POLG2: variants seen among roughly 807,000 people sequenced by gnomAD.
POLG2 encodes the protein DNA polymerase gamma 2, accessory subunit, also known as DNA polymerase subunit gamma-2.
A neutral mutation model predicts 56.5 loss-of-function variants in POLG2; 50 were observed. That is an observed-to-expected ratio of 0.88 (90% CI 0.71 to 1.12). The LOEUF (loss-of-function observed/expected upper bound fraction) is 1.12, where lower values mean the gene tolerates loss of function less well. Ranked by LOEUF, POLG2 falls within the 50% of genes most tolerant of loss-of-function variation. The probability of loss-of-function intolerance (pLI) is 0.00; values close to 1 mark genes in which losing one functional copy is unlikely to be tolerated. For synonymous variants in POLG2, 226 were observed against 222.6 expected (o/e 1.02, Z -0.14); for missense variants, 584 against 583.3 (o/e 1.00, Z -0.01).
At chr17:64,494,449 T>C (rs1257606899) in intron 1 of POLG2, among the ~76,000 whole-genome samples, 2 of 152,192 alleles carry the variant, frequency 1.3e-5, no homozygotes, top group Non-Finnish European at 1.5e-5. Context: ...TTAGAATCCA[T>C]TGATGACTGT....
At position 64,492,697 on chromosome 17, in the gene POLG2, C is replaced by A. The variant is rs1253404236; in HGVS notation, c.765G>T (p.Trp255Cys). ...PRTSNQWLDF[W>C]LRHRLQWWRK... ...TCCACCACTGGAGTCGATGACGTAA[C>A]CAGAAATCAAGCCACTGGTTTGAAG... The change falls in exon 3 of 8, where the codon TGG becomes TGT. Residue 255 changes from tryptophan to cysteine, a missense_variant. Physicochemically the swap from Trp to Cys is radical, Grantham distance 215. Coordinates refer to ENST00000539111, the MANE Select transcript of POLG2 (RefSeq NM_007215.4). The A allele has an allele frequency of 1.2e-6, 2 of 1,612,012 alleles. No individual in the cohort carries two copies. The highest frequency in any genetic ancestry group is 3.3e-5 in the Admixed American group (2 of 59,966).
intron 3 of POLG2, among the ~76,000 whole-genome samples, chr17:64,492,361 G>A (rs545880355): frequency 9.2e-5 from 14 of 152,134 alleles, no homozygotes; most frequent in African/African-American, 3.4e-4. Context: ...GGTAGCAAAA[G>A]CTGAAGCTGT....
chr17:64,488,089 T>A (rs1409607711), intron 4 of POLG2, among the ~76,000 whole-genome samples: 1 of 151,306 alleles, frequency 6.6e-6, no homozygotes, highest in Non-Finnish European at 1.5e-5. Context: ...AGAGGCTGGG[T>A]GCAGTGGTTT....
chr17:64,483,737 A>C (rs1466248046), intron 5 of POLG2, among the ~76,000 whole-genome samples: 2 of 141,322 alleles, frequency 1.4e-5, no homozygotes, highest in Non-Finnish European at 3.1e-5. Context: ...TTTTTTTTTT[A>C]AAGGGTCTGG....
At position 64,492,884 on chromosome 17, in the gene POLG2, A is replaced by G; in HGVS notation, c.689+11T>C. On this transcript the variant is annotated intron_variant, in intron 2 of 7. Coordinates refer to ENST00000539111, the MANE Select transcript of POLG2 (RefSeq NM_007215.4). ...TAAATACAAGGCCAAGTTATTTGCC[A>G]CTTTTTATACCTTTTAACACCATTT... is the stretch of plus-strand genomic sequence containing the variant. The G allele has an allele frequency of 6.2e-7, 1 of 1,614,030 alleles. No homozygotes were observed. Among genetic ancestry groups the G allele is most frequent in the Non-Finnish European group, 8.5e-7 (1 of 1,179,856 alleles).
chr17:64,478,513 A>G (rs58545027), intron 7 of POLG2, among the ~76,000 whole-genome samples: 50 of 152,258 alleles, frequency 3.3e-4, no homozygotes, highest in African/African-American at 1.2e-3. Context: ...CTATCTCATT[A>G]CTGTTTATTT....
At chr17:64,479,930 T>TCTCAGAATGGA (rs1349945232) in intron 7 of POLG2, among the ~76,000 whole-genome samples, 1 of 152,196 alleles carries the variant, frequency 6.6e-6, no homozygotes, top group Non-Finnish European at 1.5e-5. Context: ...TTCCACTCAG[T>TCTCAGAATGGA]CTCAGAATGG....
intron 5 of POLG2, chr17:64,483,976 A>G (rs915161523): frequency 3.3e-5 from 5 of 152,212 alleles, no homozygotes; most frequent in Admixed American, 1.3e-4. Context: ...TGGCTTCCCA[A>G]AGTGCTGGGA....
chr17:64,482,348 C>T (rs1258299194), intron 6 of POLG2, among the ~76,000 whole-genome samples: 1 of 134,490 alleles, frequency 7.4e-6, no homozygotes, highest in Admixed American at 7.4e-5. Flanking sequence ...TTTTTTGAGA[C>T]GGAGTCTCTG....
At position 64,478,790 on chromosome 17, in the gene POLG2, G is replaced by A. The variant is rs947074885; in HGVS notation, c.1293-802C>T. Among the ~76,000 whole-genome samples, 7 of 151,924 alleles carry A rather than the reference G, an allele frequency of 4.6e-5. 1 individual carries two copies. Among genetic ancestry groups the A allele is most frequent in the African/African-American group, 1.5e-4 (6 of 41,346 alleles). On this transcript the variant is annotated intron_variant, in intron 7 of 7. Transcript: ENST00000539111. ...CAGGCGCATGTAATCCCAGCTACTC[G>A]GGAGGCTGAGGCAGGAGAATCGCTT...
intron 1 of POLG2, 59 bp downstream of exon 1, chr17:64,496,348 A>C (rs1428892661): frequency 1.3e-5 from 15 of 1,132,786 alleles, no homozygotes; most frequent in Admixed American, 1.0e-4. Flanking sequence ...AAGATCCAGC[A>C]AGACTGCCTC....
chr17:64,490,638 G>C, intron 4 of POLG2, 158 bp downstream of exon 4: 1 of 650,316 alleles, frequency 1.5e-6, no homozygotes, highest in Non-Finnish European at 2.8e-6. Flanking sequence ...TCCTGATTTT[G>C]ATGACTGGAT....
intron 6 of POLG2, chr17:64,481,401 T>A (rs868949490): frequency 1.0e-6 from 1 of 985,292 alleles, no homozygotes; most frequent in Non-Finnish European, 1.2e-6. Context: ...AGGTCTGGGC[T>A]GGGTCTCAAT....
chr17:64,481,351 G>A, intron 6 of POLG2: 2 of 985,080 alleles, frequency 2.0e-6, no homozygotes, highest in Non-Finnish European at 1.2e-6. Flanking sequence ...GAAAGCTGGG[G>A]GACTCTCAAA....
At chr17:64,494,358 CA>C (rs1296581485) in intron 1 of POLG2, among the ~76,000 whole-genome samples, 1 of 152,112 alleles carries the variant, frequency 6.6e-6, no homozygotes, top group Non-Finnish European at 1.5e-5. Context: ...CTGAAGACAC[CA>C]AATTTGATTA....
chr17:64,486,518 T>A (rs1228747171), intron 4 of POLG2, among the ~76,000 whole-genome samples: 4 of 152,018 alleles, frequency 2.6e-5, no homozygotes, highest in Admixed American at 1.3e-4. Context: ...CACACCACCA[T>A]GTCTGGCTAA....
intron 7 of POLG2, among the ~76,000 whole-genome samples, chr17:64,478,191 A>G (rs2037799385): frequency 6.6e-6 from 1 of 152,222 alleles, no homozygotes; most frequent in African/African-American, 2.4e-5. Context: ...ACTTATTGCT[A>G]GAGCTGAAAA....
Position 64,496,521 on chromosome 17 carries a change from C to CGA in POLG2, c.447_448insTC (p.Ala150SerfsTer14), listed in dbSNP as rs1555669544. On this transcript the variant is annotated frameshift_variant, in exon 1 of 8. Transcript: ENST00000539111. LOFTEE classifies it high-confidence loss of function. ...TGCAAGATTTCGCGTAGAGTTTCTG[C>CGA]AGAAACTAACCTGAAGGCACTGTCC... 8 of 1,613,542 alleles carry CGA rather than the reference C, an allele frequency of 5.0e-6. No homozygotes were observed. Among genetic ancestry groups the CGA allele is most frequent in the Non-Finnish European group, 6.8e-6 (8 of 1,179,612 alleles).
At position 64,478,115 on chromosome 17, in the gene POLG2, C is replaced by CA. The variant is rs1323772135; in HGVS notation, c.1293-128dup. On this transcript the variant is annotated intron_variant, in intron 7 of 7. Coordinates refer to ENST00000539111, the MANE Select transcript of POLG2 (RefSeq NM_007215.4). ...ACAGACTCAGGGCTTAAGGGTGGACCAAAAAAACCCAACATTTTTAAAGTT... is the reference window on the plus strand; with the variant it reads ...ACAGACTCAGGGCTTAAGGGTGGACCAAAAAAAACCCAACATTTTTAAAGTT... 22 of 827,438 alleles carry CA rather than the reference C, an allele frequency of 2.7e-5. No individual in the cohort carries two copies. The Middle Eastern group carries it at 2.2e-3, about 83-fold the overall frequency. 51.3% of individuals were successfully genotyped at this position (827,438 alleles called of 1,614,324 possible). A position where few individuals can be genotyped will look rare whatever the true frequency, so the allele number is the denominator to read the frequency against.
Sources: gnomAD v4.1 joint callset for allele counts (sites outside exome capture counted in the v4.1 genomes callset) on GRCh38, gnomAD v4.1.1 for gene constraint, MANE v1.5 for transcripts, NCBI Gene and HGNC (gene_info 2026-07-23, HGNC 2026-07-21) for gene names.